RASGRP3: variants seen among roughly 807,000 people sequenced by gnomAD.
RASGRP3 encodes the protein ras guanyl-releasing protein 3.
RASGRP3 carries 54 observed loss-of-function variants against 82.7 expected under a neutral mutation model. The observed-to-expected ratio is 0.65, with a 90% confidence interval of 0.52 to 0.82. The LOEUF (loss-of-function observed/expected upper bound fraction) is 0.82, where lower values mean the gene tolerates loss of function less well. Among genes scored for constraint, RASGRP3 ranks in the 40% least tolerant of loss-of-function variants. RASGRP3 has a pLI of 0.00. For synonymous variants in RASGRP3, 309 were observed against 300.5 expected (o/e 1.03, Z -0.29); for missense variants, 861 against 828.9 (o/e 1.04, Z -0.48).
rs528107500 is a variant in RASGRP3 at position 33,509,187 on chromosome 2, C to T, written c.-260-2523C>T. Among the ~76,000 whole-genome samples the T allele has an allele frequency of 9.9e-5, 15 of 152,018 alleles. No homozygotes were observed. The East Asian group carries it at 1.2e-3, about 12-fold the overall frequency. On this transcript the variant is annotated intron_variant, in intron 1 of 17. Coordinates refer to ENST00000403687, the MANE Select transcript of RASGRP3 (RefSeq NM_001139488.2). ...AGGCTGAGGTGGGTGGATCACTTGACGTCAGGAGTTCGAGACCAGCCTGGC... is the reference window on the plus strand; with the variant it reads ...AGGCTGAGGTGGGTGGATCACTTGATGTCAGGAGTTCGAGACCAGCCTGGC...
intron 13 of RASGRP3, 33 bp downstream of exon 13, chr2:33,543,660 C>A (rs756263848): frequency 1.4e-6 from 2 of 1,410,096 alleles, no homozygotes; most frequent in South Asian, 2.5e-5. Flanking sequence ...TTTAATGCAA[C>A]TATCCTAAAG....
Position 33,555,545 on chromosome 2 carries a change from CA to C in RASGRP3, c.1559del (p.Lys520SerfsTer34). 6.3e-7 allele frequency: 1 copy of C among 1,599,304 alleles called. No homozygotes were observed. Among genetic ancestry groups the C allele is most frequent in the South Asian group, 1.1e-5 (1 of 89,338 alleles). On this transcript the variant is annotated frameshift_variant, in exon 15 of 18. Transcript: ENST00000403687. LOFTEE classifies it high-confidence loss of function. ...TTTTGTTACAGCTCTGGGGCATAATCAAGCAAGGATACAAATGCAAAGGTAA... is the reference window on the plus strand; with the variant it reads ...TTTTGTTACAGCTCTGGGGCATAATCAGCAAGGATACAAATGCAAAGGTAA... ...HCAGFLWGII[K>X]QGYKCKDCGA...
chr2:33,510,831 T>A (rs75367405), intron 1 of RASGRP3, among the ~76,000 whole-genome samples: 4 of 152,200 alleles, frequency 2.6e-5, no homozygotes, highest in African/African-American at 9.7e-5. Flanking sequence ...CGATTTTTTT[T>A]AATGGAGAGG....
upstream of RASGRP3, chr2:33,476,505 T>C (rs1338948933): frequency 6.6e-6 from 1 of 151,984 alleles, no homozygotes; most frequent in East Asian, 1.9e-4. Flanking sequence ...GGTTATGAGG[T>C]GGTTTGCGAG....
In RASGRP3 at chr2:33,542,628, A is replaced by G. The variant is rs555767907; in HGVS notation, c.1279-884A>G. On this transcript the variant is annotated intron_variant, in intron 12 of 17. Coordinates refer to ENST00000403687, the MANE Select transcript of RASGRP3 (RefSeq NM_001139488.2). ...TTTCAGTTTAAACCTTGCTTTTCCC[A>G]GGAAACCTTTCTTAATCCACCTCCT... Among the ~76,000 whole-genome samples, 81 of 146,918 alleles carry G rather than the reference A, an allele frequency of 5.5e-4. 1 individual carries two copies. The highest frequency in any genetic ancestry group is 1.9e-3 in the African/African-American group (78 of 41,098).
In RASGRP3 at chr2:33,524,053, GTA is replaced by G. The variant is rs1166665082; in HGVS notation, c.690+3_690+4del. On this transcript the variant is annotated splice_donor_variant and splice_donor_region_variant and intron_variant, in intron 8 of 17. Transcript: ENST00000403687. LOFTEE classifies it high-confidence loss of function. The stretch of plus-strand genomic sequence containing the variant: ...CACAAAGTTTATCAATGTTGCAAAG[GTA>G]TGTCTGGTAATCAGACTGGGTTCTT... 3 of 1,613,250 alleles carry G rather than the reference GTA, an allele frequency of 1.9e-6. No homozygotes were observed. The highest frequency in any genetic ancestry group is 2.5e-6 in the Non-Finnish European group (3 of 1,179,468).
intron 2 of RASGRP3, among the ~76,000 whole-genome samples, chr2:33,461,589 T>C (rs1410322537): frequency 6.6e-6 from 1 of 152,242 alleles, no homozygotes; most frequent in African/African-American, 2.4e-5. Context: ...CTGCCACTTT[T>C]TAAAATGCGT....
chr2:33,522,498 A>G (rs7581376), intron 7 of RASGRP3, among the ~76,000 whole-genome samples: 126,106 of 152,134 alleles, frequency 0.83, 52,592 homozygotes, highest in African/African-American at 0.93. Flanking sequence ...AATTATGGGT[A>G]TAGGTTGAAA....
intron 1 of RASGRP3, among the ~76,000 whole-genome samples, chr2:33,500,074 G>A (rs561185761): frequency 8.5e-5 from 13 of 152,248 alleles, no homozygotes; most frequent in South Asian, 6.2e-4. Flanking sequence ...ATTGCCAAGC[G>A]TAAGTATTGG....
chr2:33,468,972 T>C (rs538237148), intron 2 of RASGRP3, among the ~76,000 whole-genome samples: 9 of 152,332 alleles, frequency 5.9e-5, no homozygotes, highest in African/African-American at 2.2e-4. Context: ...TTATATTCTT[T>C]CTGGTAGAGT....
intron 2 of RASGRP3, among the ~76,000 whole-genome samples, chr2:33,459,954 A>G (rs561799382): frequency 6.6e-6 from 1 of 152,350 alleles, no homozygotes; most frequent in East Asian, 1.9e-4. Context: ...AAGAGAGCTC[A>G]GAGGAGCCTG....
intron 2 of RASGRP3, among the ~76,000 whole-genome samples, chr2:33,471,330 C>G (rs1375955457): frequency 7.5e-6 from 1 of 132,568 alleles, no homozygotes; most frequent in African/African-American, 2.6e-5. Context: ...CATCTGCCAT[C>G]ACACTGGGCT....
rs566782986 is a variant in RASGRP3, at chr2:33,548,711, A to ATTG, written c.1395-891_1395-890insGTT. Reference sequence around the variant, plus strand: ...TCAAGTGGATCCAATTATTATTATTATTATTATTTTTTGAGACAAGAGTCT... The same window carrying ATTG: ...TCAAGTGGATCCAATTATTATTATTATTGTTATTATTTTTTGAGACAAGAGTCT... On this transcript the variant is annotated intron_variant, in intron 13 of 17. Transcript: ENST00000403687. Among the ~76,000 whole-genome samples, 310 of 152,020 alleles carry ATTG rather than the reference A, an allele frequency of 2.0e-3. 2 individuals are homozygous for ATTG. The highest frequency in any genetic ancestry group is 7.0e-3 in the African/African-American group (291 of 41,508).
chr2:33,454,638 A>T (rs1288604516), intron 2 of RASGRP3, among the ~76,000 whole-genome samples: 1 of 152,216 alleles, frequency 6.6e-6, no homozygotes, highest in African/African-American at 2.4e-5. Context: ...GAGATCACCC[A>T]TCTCTCATCA....
chr2:33,525,216 C>T (rs992044898), intron 9 of RASGRP3, among the ~76,000 whole-genome samples: 1 of 151,822 alleles, frequency 6.6e-6, no homozygotes, highest in African/African-American at 2.4e-5. Context: ...TAGTTCCTAC[C>T]CTACCTCCTG....
chr2:33,497,890 G>A (rs1669474498), intron 1 of RASGRP3, among the ~76,000 whole-genome samples: 1 of 152,142 alleles, frequency 6.6e-6, no homozygotes, highest in Non-Finnish European at 1.5e-5. Context: ...AAGAAAATAT[G>A]GACTAAGTCA....
chr2:33,562,983 G>A lies in RASGRP3; in HGVS notation c.*246G>A. The A allele has an allele frequency of 2.0e-6, 1 of 488,854 alleles. No homozygotes were observed. The highest frequency in any genetic ancestry group is 3.1e-5 in the East Asian group (1 of 32,136). 30.3% of individuals were successfully genotyped at this position (488,854 alleles called of 1,614,324 possible). On this transcript the variant is annotated 3_prime_UTR_variant, in exon 18 of 18. Transcript: ENST00000403687. ...TTAAGTGCCACAAAGACTGTGTTAT[G>A]TAGTCAGTACTTTTTTCTCATGTAT...
Position 33,523,906 on chromosome 2 carries a change from C to G in RASGRP3, c.544C>G (p.His182Asp). ...SFTDYQSYVI[H>D]GCLENNPTLE... is the part of the protein sequence containing the mutation. ...CACTGATTACCAAAGCTATGTCATC[C>G]ATGGCTGCCTGGAGAATAATCCAAC... The change falls in exon 8 of 18, where the codon CAT becomes GAT. Residue 182 changes from histidine (H) to aspartate (D), a missense_variant. By Grantham distance (81) the His-to-Asp change is moderately conservative (BLOSUM62 -1). Coordinates refer to ENST00000403687, the MANE Select transcript of RASGRP3 (RefSeq NM_001139488.2). The G allele has an allele frequency of 6.2e-7, 1 of 1,613,176 alleles. No individual in the cohort carries two copies. The highest frequency in any genetic ancestry group is 8.5e-7 in the Non-Finnish European group (1 of 1,179,378).
chr2:33,466,834 C>G (rs1239152616), intron 2 of RASGRP3, among the ~76,000 whole-genome samples: 1 of 152,136 alleles, frequency 6.6e-6, no homozygotes. Context: ...ATGAGCAAGT[C>G]TAGGAAAACT....
Sources: allele counts gnomAD v4.1 joint callset (sites outside exome capture counted in the v4.1 genomes callset), GRCh38; gene constraint gnomAD v4.1.1; transcripts MANE v1.5; gene names NCBI Gene and HGNC (gene_info 2026-07-23, HGNC 2026-07-21).